Variants in PPP3CC observed in about 807,000 individuals in gnomAD.
PPP3CC encodes serine/threonine-protein phosphatase 2B catalytic subunit gamma isoform.
A neutral mutation model predicts 60.3 loss-of-function variants in PPP3CC; 35 were observed. The ratio of observed to expected loss-of-function variants is 0.58; its 90% CI spans 0.44 to 0.77. The LOEUF is 0.77. Ranked by LOEUF, PPP3CC falls within the 30% of genes least tolerant of loss-of-function variation. The pLI is 0.00. For synonymous variants in PPP3CC, 206 were observed against 224.3 expected, an observed-to-expected ratio of 0.92 and a Z score of 0.73; for missense variants, 570 against 628.9, an observed-to-expected ratio of 0.91 and a Z score of 1.00.
At chr8:22,447,674 A>G (rs1284895557) in intron 1 of PPP3CC, among the ~76,000 whole-genome samples, 1 of 152,172 alleles carries the variant, frequency 6.6e-6, no homozygotes, top group African/African-American at 2.4e-5. Flanking sequence ...CTGAGGCCTA[A>G]AACTTTCAAC....
At chr8:22,523,502 A>T (rs1839463368) in intron 8 of PPP3CC, 2 of 190,208 alleles carry the variant, frequency 1.1e-5, no homozygotes, top group Non-Finnish European at 2.3e-5. Context: ...AGGACTTTGA[A>T]AATAAACATG....
intron 3 of PPP3CC, among the ~76,000 whole-genome samples, chr8:22,487,030 C>CATTT (rs1838245944): frequency 1.3e-5 from 2 of 152,012 alleles, no homozygotes; most frequent in African/African-American, 4.8e-5. Flanking sequence ...GCGCCCAGCC[C>CATTT]AGACTTTGTG....
At chr8:22,533,425 A>AAG (rs1839769948) in intron 12 of PPP3CC, among the ~76,000 whole-genome samples, 1 of 152,262 alleles carries the variant, frequency 6.6e-6, no homozygotes, top group Non-Finnish European at 1.5e-5. Context: ...ACGTCTCACC[A>AAG]AGCCCTTGTA....
chr8:22,459,174 G>A (rs7007673), intron 1 of PPP3CC, among the ~76,000 whole-genome samples: 1 of 151,704 alleles, frequency 6.6e-6, no homozygotes, highest in Non-Finnish European at 1.5e-5. Context: ...CCAAGTGATC[G>A]TTCCGCCTCC....
chr8:22,477,201 G>A (rs887881995), intron 3 of PPP3CC, among the ~76,000 whole-genome samples: 5 of 152,116 alleles, frequency 3.3e-5, no homozygotes, highest in African/African-American at 4.8e-5. Flanking sequence ...GTGGGGCTGC[G>A]CGCAATGGCT....
intron 4 of PPP3CC, among the ~76,000 whole-genome samples, chr8:22,504,984 G>C (rs1838869933): frequency 6.6e-6 from 1 of 150,412 alleles, no homozygotes; most frequent in South Asian, 2.1e-4. Context: ...CTCTGGATCA[G>C]AGTTTCTAAA....
At position 22,529,629 on chromosome 8, in the gene PPP3CC, G is replaced by A. The variant is rs575379604; in HGVS notation, c.1141+1052G>A. Among the ~76,000 whole-genome samples, 20 of 152,114 alleles carry A rather than the reference G, an allele frequency of 1.3e-4. No individual in the cohort carries two copies. The South Asian group carries it at 3.3e-3, about 25-fold the overall frequency. Reference sequence around the variant, plus strand: ...CTCACGAGTAGCTGGGATTATAGGCGCGTGCCACCATGACCAGCTAATTTT... The same window carrying A: ...CTCACGAGTAGCTGGGATTATAGGCACGTGCCACCATGACCAGCTAATTTT... On this transcript the variant is annotated intron_variant, in intron 10 of 13. Transcript: ENST00000240139.
In PPP3CC at chr8:22,441,175, AG is replaced by A. The variant is rs1222928855; in HGVS notation, c.-234del. 7.6e-6 allele frequency: 3 copies of A among 395,480 alleles called. No homozygotes were observed. The highest frequency in any genetic ancestry group is 1.3e-5 in the Non-Finnish European group (3 of 222,998). The allele number at this position is 395,480 out of a possible 1,614,324, so 24.5% of individuals were successfully genotyped here. ...GTGCCGAAGCGGTGTTCCCCGCCTT[AG>A]CCGCTGGCGCCTCCCAAGAGAGCGG... On this transcript the variant is annotated 5_prime_UTR_variant, in exon 1 of 14. Coordinates refer to ENST00000240139, the MANE Select transcript of PPP3CC (RefSeq NM_005605.5).
intron 8 of PPP3CC, among the ~76,000 whole-genome samples, chr8:22,525,534 C>CTT (rs1470732625): frequency 4.7e-5 from 3 of 63,470 alleles, no homozygotes; most frequent in Admixed American, 1.7e-4. Flanking sequence ...TTCTTTCTTT[C>CTT]TTTCTCTCCC....
chr8:22,518,067 G>GTT (rs566787134), intron 6 of PPP3CC, among the ~76,000 whole-genome samples: 1 of 142,182 alleles, frequency 7.0e-6, no homozygotes. Context: ...TTATCTTGAG[G>GTT]TTTTTTTTTT....
chr8:22,515,094 G>A lies in PPP3CC; in HGVS notation c.770+1662G>A, dbSNP rs113630181. Among the ~76,000 whole-genome samples the A allele has an allele frequency of 8.6e-3, 1,293 of 151,086 alleles. 18 individuals carry two copies. The highest frequency in any genetic ancestry group is 0.027 in the African/African-American group (1,128 of 41,122). On this transcript the variant is annotated intron_variant, in intron 6 of 13. Transcript: ENST00000240139. The stretch of plus-strand genomic sequence containing the variant: ...TTCATTCTTTCTGACTGTTTTTTTC[G>A]ACCCATTAACTATCCCATTTCCCCT...
At chr8:22,523,162 T>C (rs188248647) in intron 8 of PPP3CC, among the ~76,000 whole-genome samples, 9 of 152,292 alleles carry the variant, frequency 5.9e-5, no homozygotes, top group Admixed American at 4.6e-4. Flanking sequence ...TCTTGAGATA[T>C]GGTCTAGGTA....
intron 4 of PPP3CC, among the ~76,000 whole-genome samples, chr8:22,502,261 T>C (rs748654963): frequency 9.0e-4 from 137 of 152,116 alleles, no homozygotes; most frequent in Non-Finnish European, 1.6e-3. Flanking sequence ...ATATGGATGC[T>C]TAAGGATGTT....
intron 13 of PPP3CC, among the ~76,000 whole-genome samples, chr8:22,540,110 CT>C (rs1360717840): frequency 1.4e-4 from 22 of 152,196 alleles, no homozygotes; most frequent in Non-Finnish European, 2.9e-5. Flanking sequence ...AAGTTTTTAA[CT>C]TATGTACAGC....
intron 1 of PPP3CC, among the ~76,000 whole-genome samples, chr8:22,448,217 G>A (rs7843619): frequency 0.04 from 6,156 of 152,194 alleles, 408 homozygotes; most frequent in African/African-American, 0.14. Context: ...GAAACAAAAA[G>A]GGCAGGAAGA....
chr8:22,501,397 C>G (rs1838757552), intron 4 of PPP3CC, among the ~76,000 whole-genome samples: 1 of 152,180 alleles, frequency 6.6e-6, no homozygotes, highest in Admixed American at 6.5e-5. Context: ...CACAGTGTGG[C>G]TAGATTCTCT....
chr8:22,500,588 A>T (rs1216659767), intron 4 of PPP3CC, among the ~76,000 whole-genome samples: 1 of 152,200 alleles, frequency 6.6e-6, no homozygotes, highest in African/African-American at 2.4e-5. Flanking sequence ...AGTGTTTCAT[A>T]TGCTCATATG....
intron 1 of PPP3CC, among the ~76,000 whole-genome samples, chr8:22,463,343 AT>A (rs1251712265): frequency 6.6e-6 from 1 of 152,186 alleles, no homozygotes; most frequent in Non-Finnish European, 1.5e-5. Flanking sequence ...TGCATCATTA[AT>A]TTATTCTCTG....
At chr8:22,447,239 G>A (rs894612378) in intron 1 of PPP3CC, among the ~76,000 whole-genome samples, 6 of 148,994 alleles carry the variant, frequency 4.0e-5, no homozygotes, top group Non-Finnish European at 4.4e-5. Context: ...GAGTGCAGTG[G>A]CGCAATCTCG....
Sources: gnomAD v4.1 joint callset for allele counts (sites outside exome capture counted in the v4.1 genomes callset) on GRCh38, gnomAD v4.1.1 for gene constraint, MANE v1.5 for transcripts, NCBI Gene and HGNC (gene_info 2026-07-23, HGNC 2026-07-21) for gene names.